FAM184B: variants seen among roughly 807,000 people sequenced by gnomAD.
FAM184B encodes the protein protein FAM184B.
In FAM184B, 111 loss-of-function variants were observed where a neutral mutation model predicts 135.9. That is an observed-to-expected ratio of 0.82 (90% CI 0.70 to 0.96). The LOEUF (loss-of-function observed/expected upper bound fraction) is 0.96, where lower values mean the gene tolerates loss of function less well. FAM184B is among the 40% of genes least tolerant of loss of function. The probability of loss-of-function intolerance (pLI) is 0.00; values close to 1 mark genes in which losing one functional copy is unlikely to be tolerated. For missense variants in FAM184B, 1,375 were observed against 1,323.9 expected (o/e 1.04, Z -0.60); for synonymous variants, 552 against 524.8 (o/e 1.05, Z -0.71).
At chr4:17,702,029 T>C (rs1716997146) in intron 5 of FAM184B, among the ~76,000 whole-genome samples, 1 of 152,254 alleles carries the variant, frequency 6.6e-6, no homozygotes, top group East Asian at 1.9e-4. Flanking sequence ...CTCCAGGCAA[T>C]GCGCAGGGCC....
intron 14 of FAM184B, among the ~76,000 whole-genome samples, chr4:17,638,517 T>TA (rs1483365088): frequency 6.6e-6 from 1 of 152,094 alleles, no homozygotes; most frequent in African/African-American, 2.4e-5. Flanking sequence ...GCTTATTTCT[T>TA]ATCCGAATTC....
At position 17,652,129 on chromosome 4, in the gene FAM184B, C is replaced by CTT. The variant is rs1173327491; in HGVS notation, c.2191+699_2191+700dup. On this transcript the variant is annotated intron_variant, in intron 11 of 17. Coordinates refer to ENST00000265018, the MANE Select transcript of FAM184B (RefSeq NM_015688.2). ...ATGCTAGACACTTTATATTTAATAT[C>CTT]TTTTTTTTTTTTTTTTTTTGAGTCT... is the stretch of plus-strand genomic sequence containing the variant. Among the ~76,000 whole-genome samples, 124 of 81,422 alleles carry CTT rather than the reference C, an allele frequency of 1.5e-3. 3 individuals are homozygous for CTT. The highest frequency in any genetic ancestry group is 3.0e-3 in the African/African-American group (75 of 25,056). The allele number at this position is 81,422 out of a possible 152,430, so 53.4% of individuals were successfully genotyped here.
At chr4:17,640,683 C>T (rs1391042311) in intron 13 of FAM184B, among the ~76,000 whole-genome samples, 1 of 152,110 alleles carries the variant, frequency 6.6e-6, no homozygotes, top group Non-Finnish European at 1.5e-5. Context: ...TAGACGAATT[C>T]TTTGAAAGAT....
rs1157673113 is a variant in FAM184B, at chr4:17,688,518, T to A, written c.1502A>T (p.Glu501Val). ...QNSLLEVLRL[E>V]EFIQQNKTRP... ...TGTCTTATTTTGTTGGATAAATTCT[T>A]CCAGCCTTAAAACCTAAAACAGGAG... Residue 501 changes from glutamate to valine, a missense_variant, in exon 7 of 18, where the codon GAA becomes GTA. Coordinates refer to ENST00000265018, the MANE Select transcript of FAM184B (RefSeq NM_015688.2). The A allele has an allele frequency of 1.3e-6, 2 of 1,549,880 alleles. No individual in the cohort carries two copies. Among genetic ancestry groups the A allele is most frequent in the South Asian group, 2.4e-5 (2 of 83,614 alleles).
Position 17,632,547 on chromosome 4 carries a change from C to T in FAM184B, c.3168G>A (p.Lys1056=). Residue 1056 remains lysine (K), a synonymous_variant, in exon 18 of 18, where the codon AAG becomes AAA. Coordinates refer to ENST00000265018, the MANE Select transcript of FAM184B (RefSeq NM_015688.2). The part of the protein sequence containing the change: ...QGSPHQEWFT[K]YFSF ...AAAGGTTAGCTTAGAAAGAAAAGTA[C>T]TTGGTGAACCATTCCTGGTGCGGAG... 1.3e-6 allele frequency: 2 copies of T among 1,551,108 alleles called. No homozygotes were observed. Among genetic ancestry groups the T allele is most frequent in the Middle Eastern group, 1.7e-4 (1 of 5,988 alleles).
chr4:17,690,772 A>C (rs184576731), intron 6 of FAM184B, among the ~76,000 whole-genome samples: 26 of 152,200 alleles, frequency 1.7e-4, no homozygotes, highest in African/African-American at 5.8e-4. Context: ...CATTCCAAGG[A>C]TCTTGTTCAA....
chr4:17,639,616 CAGA>C (rs1173143523), intron 13 of FAM184B, among the ~76,000 whole-genome samples: 5 of 152,138 alleles, frequency 3.3e-5, no homozygotes, highest in South Asian at 2.1e-4. Flanking sequence ...CCTCCCATCT[CAGA>C]AGGAGAAACC....
intron 1 of FAM184B, among the ~76,000 whole-genome samples, chr4:17,742,168 A>ATATATATATATAT (rs1459958150): frequency 2.7e-5 from 3 of 109,308 alleles, no homozygotes; most frequent in African/African-American, 1.4e-4. Context: ...ATATATATAT[A>ATATATATATATAT]TTTTTTTTTT....
intron 5 of FAM184B, among the ~76,000 whole-genome samples, chr4:17,703,722 A>G (rs1364345234): frequency 1.3e-5 from 2 of 152,038 alleles, no homozygotes; most frequent in African/African-American, 4.8e-5. Context: ...CACGAGGTCA[A>G]GAGATCTAGA....
intron 1 of FAM184B, among the ~76,000 whole-genome samples, chr4:17,714,133 G>A (rs1347035440): frequency 6.6e-6 from 1 of 152,138 alleles, no homozygotes; most frequent in Non-Finnish European, 1.5e-5. Flanking sequence ...TATACAGTAG[G>A]TTCACAGTAA....
chr4:17,734,575 C>A (rs1406032055), intron 1 of FAM184B, among the ~76,000 whole-genome samples: 71 of 151,898 alleles, frequency 4.7e-4, no homozygotes, highest in African/African-American at 1.3e-3. Flanking sequence ...AAAACACATG[C>A]AAAAATGCTC....
Position 17,781,529 on chromosome 4 carries a change from C to T in FAM184B, c.-230G>A. The stretch of plus-strand genomic sequence containing the variant: ...TGCTGGTTCTCTGGCTGGCTGGCTC[C>T]GCGGGCACCCGCACCCTGCGGCGAG... On this transcript the variant is annotated 5_prime_UTR_variant, in exon 1 of 18. Coordinates refer to ENST00000265018, the MANE Select transcript of FAM184B (RefSeq NM_015688.2). This position sits in a 1 kb window ranked among gnomAD's most constrained non-coding sequence, Gnocchi z 6.5. The T allele has an allele frequency of 2.2e-6, 1 of 464,292 alleles. No homozygotes were observed. Among genetic ancestry groups the T allele is most frequent in the Non-Finnish European group, 3.7e-6 (1 of 272,648 alleles). The allele number at this position is 464,292 out of a possible 1,614,324, so 28.8% of individuals were successfully genotyped here.
At chr4:17,762,094 A>G (rs1718560942) in intron 1 of FAM184B, among the ~76,000 whole-genome samples, 1 of 152,214 alleles carries the variant, frequency 6.6e-6, no homozygotes, top group Admixed American at 6.5e-5. Flanking sequence ...AAAGCTGCCA[A>G]GAGACCTCTT....
rs73235625 is a variant in FAM184B, at chr4:17,664,490, G to A, written c.1694+72C>T. On this transcript the variant is annotated intron_variant, in intron 8 of 17. Coordinates refer to ENST00000265018, the MANE Select transcript of FAM184B (RefSeq NM_015688.2). ...ATAAATACTTGAGGATAGAATGAAT[G>A]AATGGATGAATCCTTCCACATCTGA... The A allele has an allele frequency of 8.2e-3, 9,651 of 1,183,282 alleles. 57 individuals carry two copies. Among genetic ancestry groups the A allele is most frequent in the Non-Finnish European group, 0.011 (8,916 of 826,276 alleles). 73.3% of individuals were successfully genotyped at this position (1,183,282 alleles called of 1,614,324 possible).
chr4:17,724,546 A>T (rs1184181081), intron 1 of FAM184B, among the ~76,000 whole-genome samples: 1 of 152,190 alleles, frequency 6.6e-6, no homozygotes, highest in Non-Finnish European at 1.5e-5. Flanking sequence ...CAATTACAGT[A>T]AATGTGTTGT....
Position 17,688,491 on chromosome 4 carries a change from CGT to C in FAM184B, c.1527_1528del (p.Arg510ProfsTer5), listed in dbSNP as rs1560176818. On this transcript the variant is annotated frameshift_variant, in exon 7 of 18. Coordinates refer to ENST00000265018, the MANE Select transcript of FAM184B (RefSeq NM_015688.2). LOFTEE classifies it high-confidence loss of function. ...GGGACTTTCCTCAGCTCCTGTGGGG[CGT>C]GTCTTATTTTGTTGGATAAATTCTT... 7 of 1,550,662 alleles carry C rather than the reference CGT, an allele frequency of 4.5e-6. No homozygotes were observed. The highest frequency in any genetic ancestry group is 6.1e-6 in the Non-Finnish European group (7 of 1,146,816).
chr4:17,690,813 G>C (rs1716715564), intron 6 of FAM184B, among the ~76,000 whole-genome samples: 1 of 152,132 alleles, frequency 6.6e-6, no homozygotes, highest in Admixed American at 6.6e-5. Context: ...GGAGGGGACA[G>C]AAAGGCTTAA....
At chr4:17,635,745 C>T (rs866765893) in intron 15 of FAM184B, among the ~76,000 whole-genome samples, 1 of 151,436 alleles carries the variant, frequency 6.6e-6, no homozygotes, top group Non-Finnish European at 1.5e-5. Context: ...ATCAATGTCA[C>T]CTAATTTTCA....
At chr4:17,641,833 G>C (rs1444206261) in intron 13 of FAM184B, among the ~76,000 whole-genome samples, 2 of 151,774 alleles carry the variant, frequency 1.3e-5, no homozygotes, top group East Asian at 3.9e-4. Flanking sequence ...CTTCCTCTGC[G>C]GTTTTGAGAT....
Sources: gnomAD v4.1 joint callset for allele counts (sites outside exome capture counted in the v4.1 genomes callset) on GRCh38, gnomAD v4.1.1 for gene constraint, Gnocchi (gnomAD v3.1) non-coding constraint, MANE v1.5 for transcripts, NCBI Gene and HGNC (gene_info 2026-07-23, HGNC 2026-07-21) for gene names.